DYNC1LI1: variants seen among roughly 807,000 people sequenced by gnomAD.
DYNC1LI1 encodes the protein dynein cytoplasmic 1 light intermediate chain 1, also known as cytoplasmic dynein 1 light intermediate chain 1.
In DYNC1LI1, 19 loss-of-function variants were observed where a neutral mutation model predicts 63.8. That is an observed-to-expected ratio of 0.30 (90% confidence interval 0.21 to 0.44). DYNC1LI1 has a LOEUF of 0.44. Among genes scored for constraint, DYNC1LI1 ranks in the 20% least tolerant of loss-of-function variants. The pLI, the probability that DYNC1LI1 is intolerant of heterozygous loss-of-function variation, is 1.00. For synonymous variants in DYNC1LI1, 225 were observed against 232.3 expected (o/e 0.97, Z 0.28); for missense variants, 565 against 630.2 (o/e 0.90, Z 1.11).
At chr3:32,544,680 T>A (rs1488005143) in intron 4 of DYNC1LI1, among the ~76,000 whole-genome samples, 196 bp downstream of exon 4, 1 of 151,262 alleles carries the variant, frequency 6.6e-6, no homozygotes, top group African/African-American at 2.4e-5. Flanking sequence ...AGGCAGAGGT[T>A]GCAGTGAGCC....
chr3:32,544,559 G>A (rs1697926436), intron 4 of DYNC1LI1, among the ~76,000 whole-genome samples: 1 of 152,186 alleles, frequency 6.6e-6, no homozygotes, highest in Non-Finnish European at 1.5e-5. Context: ...CATGAGGTCA[G>A]GAGTGCGAGA....
chr3:32,567,434 G>C (rs1014223029), intron 2 of DYNC1LI1, among the ~76,000 whole-genome samples: 1 of 152,154 alleles, frequency 6.6e-6, no homozygotes, highest in Non-Finnish European at 1.5e-5. Flanking sequence ...TGTGTGTGTT[G>C]TGAGGGGAGT....
rs1248947125 is a variant in DYNC1LI1 at position 32,532,485 on chromosome 3, GTGTATATA to G, written c.1080+493_1080+500del. On this transcript the variant is annotated intron_variant, in intron 8 of 12. Coordinates refer to ENST00000273130, the MANE Select transcript of DYNC1LI1 (RefSeq NM_016141.4). ...CATCTCAAAAAAAAAAAAAAAATGTGTGTATATATATATATATATATAAAATTGAAAGT... is the reference window on the plus strand; with the variant it reads ...CATCTCAAAAAAAAAAAAAAAATGTGTATATATATATATAAAATTGAAAGT... 32 of 122,322 alleles carry G rather than the reference GTGTATATA, an allele frequency of 2.6e-4. 1 individual carries two copies. The highest frequency in any genetic ancestry group is 8.4e-4 in the African/African-American group (29 of 34,630). 7.6% of individuals were successfully genotyped at this position (122,322 alleles called of 1,614,324 possible).
At chr3:32,564,077 G>A (rs1332065179) in intron 2 of DYNC1LI1, among the ~76,000 whole-genome samples, 1 of 152,174 alleles carries the variant, frequency 6.6e-6, no homozygotes, top group Non-Finnish European at 1.5e-5. Context: ...GAGGTGGGAG[G>A]ATCACTTTAG....
At chr3:32,548,364 G>A (rs1476161518) in intron 2 of DYNC1LI1, among the ~76,000 whole-genome samples, 2 of 152,188 alleles carry the variant, frequency 1.3e-5, no homozygotes, top group African/African-American at 2.4e-5. Flanking sequence ...CTGATGATCT[G>A]AGGTAAAAGA....
chr3:32,529,566 G>A lies in DYNC1LI1; in HGVS notation c.1280C>T (p.Ser427Leu), dbSNP rs1697667651. The change falls in exon 11 of 13, where the codon TCA (serine) becomes TTA (leucine). Residue 427 changes from serine (S) to leucine (L), a missense_variant. Physicochemically the swap from Ser to Leu is moderately radical, Grantham distance 145. Transcript: ENST00000273130. ...TTTCATGTTTGGATCAATTTTTTTT[G>A]ACCCAGCAGGAATGGGTGACACGCT... The part of the protein sequence containing the change: ...VASVSPIPAG[S>L]KKIDPNMKAG... The A allele has an allele frequency of 6.2e-7, 1 of 1,605,350 alleles. No homozygotes were observed. The highest frequency in any genetic ancestry group is 8.5e-7 in the Non-Finnish European group (1 of 1,175,840).
chr3:32,570,388 A>G lies in DYNC1LI1; in HGVS notation c.178T>C (p.Ser60Pro). ...SCILSEVSTR[S>P]RSKLPAGKNV... is the part of the protein sequence containing the mutation. ...TTCCCCGCAGGGAGCTTGGAGCGCGAGCGGGTGGAGACCTCGCTGAGGATG... is the reference window on the plus strand; with the variant it reads ...TTCCCCGCAGGGAGCTTGGAGCGCGGGCGGGTGGAGACCTCGCTGAGGATG... The change falls in exon 2 of 13, where the codon TCG becomes CCG. Residue 60 changes from serine (S) to proline (P), a missense_variant. By Grantham distance (74) the Ser-to-Pro change is moderately conservative. Transcript: ENST00000273130. 1 of 1,606,568 alleles carries G rather than the reference A, an allele frequency of 6.2e-7. No homozygotes were observed. Among genetic ancestry groups the G allele is most frequent in the African/African-American group, 1.3e-5 (1 of 74,866 alleles).
At chr3:32,570,551 G>A (rs1464549962) in intron 1 of DYNC1LI1, 74 bp downstream of exon 1, 1 of 1,514,660 alleles carries the variant, frequency 6.6e-7, no homozygotes, top group East Asian at 2.7e-5. Flanking sequence ...GAGCTCCAGC[G>A]GGCACGGGAT....
chr3:32,555,745 A>G (rs933960133), intron 2 of DYNC1LI1, among the ~76,000 whole-genome samples: 1 of 152,234 alleles, frequency 6.6e-6, no homozygotes, highest in African/African-American at 2.4e-5. Flanking sequence ...AGTTAATGAT[A>G]CACTTGCTGA....
At chr3:32,569,452 AAACAAC>A (rs768374013) in intron 2 of DYNC1LI1, among the ~76,000 whole-genome samples, 60 of 152,268 alleles carry the variant, frequency 3.9e-4, no homozygotes, top group African/African-American at 1.3e-3. Flanking sequence ...GATATAACCA[AAACAAC>A]AACAACAACA....
At chr3:32,562,513 A>T (rs898420104) in intron 2 of DYNC1LI1, among the ~76,000 whole-genome samples, 1 of 151,968 alleles carries the variant, frequency 6.6e-6, no homozygotes, top group South Asian at 2.1e-4. Flanking sequence ...TATTTAAAAA[A>T]TTTTTTTTGT....
chr3:32,545,561 CA>C, intron 3 of DYNC1LI1: 1 of 383,294 alleles, frequency 2.6e-6, no homozygotes, highest in Non-Finnish European at 4.7e-6. Context: ...TGGGAGTCAA[CA>C]AAACAATCAC....
At position 32,541,850 on chromosome 3, in the gene DYNC1LI1, G is replaced by A. The variant is rs117117139; in HGVS notation, c.569-644C>T. 5.9e-5 allele frequency among the ~76,000 whole-genome samples: 9 copies of A among 152,250 alleles called. No individual in the cohort carries two copies. The East Asian group carries it at 1.2e-3, about 20-fold the overall frequency. ...TAATTACTCGCCTAGGAATTCTCAA[G>A]GGCACAATCAGTGATGCACATACAT... On this transcript the variant is annotated intron_variant, in intron 4 of 12. Transcript: ENST00000273130.
At chr3:32,527,042 CTT>C in intron 12 of DYNC1LI1, 134 bp from the exon 13 acceptor site, 1 of 608,350 alleles carries the variant, frequency 1.6e-6, no homozygotes, top group Non-Finnish European at 2.8e-6. Flanking sequence ...ACAAACAACA[CTT>C]AATTTAAAAA....
chr3:32,566,597 G>A lies in DYNC1LI1; in HGVS notation c.220+3749C>T, dbSNP rs1225271440. 4 of 303,640 alleles carry A rather than the reference G, an allele frequency of 1.3e-5. No individual in the cohort carries two copies. In the East Asian group the frequency reaches 4.6e-4, roughly 35 times the overall value. 18.8% of individuals were successfully genotyped at this position (303,640 alleles called of 1,614,324 possible). ...CTACTAAAAATACAAAATTAGCCAGGTGTGGTGGCACATGCCTGTAATCCC... is the reference window on the plus strand; with the variant it reads ...CTACTAAAAATACAAAATTAGCCAGATGTGGTGGCACATGCCTGTAATCCC... On this transcript the variant is annotated intron_variant, in intron 2 of 12. Transcript: ENST00000273130.
intron 2 of DYNC1LI1, among the ~76,000 whole-genome samples, chr3:32,552,833 G>C (rs1003039736): frequency 1.2e-4 from 18 of 152,146 alleles, no homozygotes; most frequent in Non-Finnish European, 2.1e-4. Flanking sequence ...AGCCTCCCGA[G>C]TAGCTGGGAC....
chr3:32,569,057 T>C (rs1698306600), intron 2 of DYNC1LI1, among the ~76,000 whole-genome samples: 1 of 152,184 alleles, frequency 6.6e-6, no homozygotes, highest in Non-Finnish European at 1.5e-5. Flanking sequence ...CACTTGCAAA[T>C]ATTACCACGA....
At chr3:32,533,228 AT>A in intron 7 of DYNC1LI1, 131 bp from the exon 8 acceptor site, 1 of 1,342,788 alleles carries the variant, frequency 7.4e-7, no homozygotes, top group South Asian at 1.8e-5. Context: ...TTAGCTTTTC[AT>A]TATGATGTCC....
chr3:32,567,911 C>G (rs983675135), intron 2 of DYNC1LI1, among the ~76,000 whole-genome samples: 3 of 152,076 alleles, frequency 2.0e-5, no homozygotes, highest in Admixed American at 6.6e-5. Flanking sequence ...ACCATATTGA[C>G]CAGGCTGGTC....
Sources: gnomAD v4.1 joint callset for allele counts (sites outside exome capture counted in the v4.1 genomes callset) on GRCh38, gnomAD v4.1.1 for gene constraint, MANE v1.5 for transcripts, NCBI Gene and HGNC (gene_info 2026-07-23, HGNC 2026-07-21) for gene names.